Variants in C9orf43 observed in about 807,000 individuals in gnomAD.
The protein encoded by C9orf43 is chromosome 9 open reading frame 43, also known as uncharacterized protein C9orf43.
Under a neutral mutation model 59.1 loss-of-function variants are expected in C9orf43, and 45 were observed. That is an observed-to-expected ratio of 0.76 (90% CI 0.60 to 0.98). The LOEUF (loss-of-function observed/expected upper bound fraction) is 0.98. C9orf43 is among the 50% of genes least tolerant of loss of function. The pLI is 0.00. For synonymous variants in C9orf43, 203 were observed against 196.8 expected (o/e 1.03, Z -0.26); for missense variants, 533 against 554.9 (o/e 0.96, Z 0.40).
intron 6 of C9orf43, among the ~76,000 whole-genome samples, chr9:113,422,894 C>T (rs1164927254): frequency 6.6e-6 from 1 of 152,092 alleles, no homozygotes; most frequent in Non-Finnish European, 1.5e-5. Flanking sequence ...TTTCAATGGA[C>T]TAGGGGTTAT....
Position 113,410,769 on chromosome 9 carries a change from C to A in C9orf43, c.-282C>A. ...TTTAGGACCCGAGGCAGGCTCTGGG[C>A]CCGCCGGGTCCGTTAATCTCACCGC... is the stretch of plus-strand genomic sequence containing the variant. On this transcript the variant is annotated 5_prime_UTR_variant, in exon 1 of 14. Transcript: ENST00000374165. The A allele has an allele frequency of 4.7e-6, 1 of 213,180 alleles. No homozygotes were observed. The highest frequency in any genetic ancestry group is 8.6e-6 in the Non-Finnish European group (1 of 115,888). 13.2% of individuals were successfully genotyped at this position (213,180 alleles called of 1,614,324 possible). A position where few individuals can be genotyped will look rare whatever the true frequency, so the allele number is the denominator to read the frequency against.
rs772513539 is a variant in C9orf43, at chr9:113,425,364, C to T, written c.886C>T (p.Arg296Trp). 43 of 1,613,428 alleles carry T rather than the reference C, an allele frequency of 2.7e-5. No individual in the cohort carries two copies. The highest frequency in any genetic ancestry group is 1.7e-4 in the African/African-American group (13 of 74,820). The change falls in exon 10 of 14, where the codon CGG becomes TGG. Residue 296 changes from arginine to tryptophan, a missense_variant. Transcript: ENST00000374165. ...KTEGYRKQQQ[R>W]QQQQQQQQKK... ...ACCAGGTTACAGGAAACAGCAGCAG[C>T]GGCAGCAGCAGCAGCAGCAGCAACA...
chr9:113,421,165 T>A lies in C9orf43; in HGVS notation c.408T>A (p.Val136=). The A allele has an allele frequency of 6.2e-7, 1 of 1,613,616 alleles. No individual in the cohort carries two copies. The highest frequency in any genetic ancestry group is 8.5e-7 in the Non-Finnish European group (1 of 1,179,676). Residue 136 remains valine, a synonymous_variant, in exon 5 of 14, where the codon GTT becomes GTA. Transcript: ENST00000374165. ...GCCCTGAAGATGTTAGAAATATGGT[T>A]GTATTGTGGATCCCAGAAGAAACAG... ...LPCPEDVRNM[V]VLWIPEETEI...
intron 1 of C9orf43, among the ~76,000 whole-genome samples, chr9:113,412,339 C>G (rs1797914408): frequency 6.6e-6 from 1 of 152,174 alleles, no homozygotes; most frequent in South Asian, 2.1e-4. Flanking sequence ...GCTAGCCAAA[C>G]AAAACAAGTA....
chr9:113,415,949 C>T (rs556506553), intron 3 of C9orf43, among the ~76,000 whole-genome samples: 49 of 152,280 alleles, frequency 3.2e-4, no homozygotes, highest in African/African-American at 9.6e-4. Flanking sequence ...GGTTAGACAG[C>T]GGTGTTTCTC....
Position 113,428,938 on chromosome 9 carries a change from T to TG in C9orf43, c.1147dup (p.Ala383GlyfsTer11). On this transcript the variant is annotated frameshift_variant, in exon 13 of 14. Coordinates refer to ENST00000374165, the MANE Select transcript of C9orf43 (RefSeq NM_001278629.2). LOFTEE classifies it low-confidence loss of function (END_TRUNC). ...GACCAAAGATGAACTACTATGACCA[T>TG]GCGGATTTCCACCACAGTGTAAAAA... 1 of 1,613,932 alleles carries TG rather than the reference T, an allele frequency of 6.2e-7. No homozygotes were observed.
chr9:113,419,883 A>T lies in C9orf43; in HGVS notation c.345+718A>T, dbSNP rs115960815. On this transcript the variant is annotated intron_variant, in intron 4 of 13. Coordinates refer to ENST00000374165, the MANE Select transcript of C9orf43 (RefSeq NM_001278629.2). ...TTAGGAAGAAAAAACCCTCCTACTT[A>T]ACTATGGTAAAGAGAGATTTACTAT... Among the ~76,000 whole-genome samples the T allele has an allele frequency of 3.4e-3, 514 of 152,256 alleles. 3 individuals are homozygous for T. The highest frequency in any genetic ancestry group is 0.012 in the African/African-American group (490 of 41,542).
intron 11 of C9orf43, among the ~76,000 whole-genome samples, chr9:113,426,143 A>G (rs1828784846): frequency 6.6e-6 from 1 of 152,166 alleles, no homozygotes; most frequent in Admixed American, 6.5e-5. Flanking sequence ...AGTTCTAAGG[A>G]AGCAGAGCTC....
chr9:113,417,977 A>C (rs1828432084), intron 3 of C9orf43, among the ~76,000 whole-genome samples: 1 of 152,180 alleles, frequency 6.6e-6, no homozygotes. Context: ...TTATTCATTC[A>C]TTCATGCATG....
chr9:113,421,975 A>G (rs1460788372), intron 5 of C9orf43, among the ~76,000 whole-genome samples: 2 of 152,120 alleles, frequency 1.3e-5, no homozygotes, highest in Admixed American at 6.5e-5. Context: ...GGCTCCTTCT[A>G]GCTTTTTGGG....
chr9:113,411,492 G>A (rs983401019), intron 1 of C9orf43, among the ~76,000 whole-genome samples: 2 of 151,898 alleles, frequency 1.3e-5, no homozygotes, highest in African/African-American at 4.8e-5. Context: ...GTAGAGACAG[G>A]GTTTCACCGT....
At position 113,418,634 on chromosome 9, in the gene C9orf43, A is replaced by T. The variant is rs575688198; in HGVS notation, c.288-474A>T. Among the ~76,000 whole-genome samples, 11 of 152,260 alleles carry T rather than the reference A, an allele frequency of 7.2e-5. No individual in the cohort carries two copies. In the South Asian group the frequency reaches 1.9e-3, roughly 26 times the overall value. On this transcript the variant is annotated intron_variant, in intron 3 of 13. Transcript: ENST00000374165. Reference sequence around the variant, plus strand: ...CTCTCTCTCTCTCTCAAAATACCTTAGTTATAGGTGCTCACCTATTTTCAG... The same window carrying T: ...CTCTCTCTCTCTCTCAAAATACCTTTGTTATAGGTGCTCACCTATTTTCAG...
intron 8 of C9orf43, 110 bp downstream of exon 8, chr9:113,424,426 A>G: frequency 1.7e-6 from 2 of 1,199,058 alleles, no homozygotes; most frequent in Non-Finnish European, 2.3e-6. Context: ...CTGCCTTTCC[A>G]CTCTGAACCC....
At chr9:113,413,339 C>G (rs1193396983) in intron 1 of C9orf43, 106 bp from the exon 2 acceptor site, 5 of 1,005,010 alleles carry the variant, frequency 5.0e-6, no homozygotes, top group Admixed American at 6.9e-5. Context: ...CATCATTTAC[C>G]TATATAGGTT....
At chr9:113,412,243 G>A (rs111863884) in intron 1 of C9orf43, among the ~76,000 whole-genome samples, 3,810 of 152,308 alleles carry the variant, frequency 0.025, 72 homozygotes, top group Admixed American at 0.038. Flanking sequence ...ATTGGGCTCA[G>A]TGTTGTCAAG....
Position 113,423,410 on chromosome 9 carries a change from AC to A in C9orf43, c.572del (p.Pro191GlnfsTer27). ...GTPGMIVPPPTPVQLSEQFSS... is the reference protein window; with the variant it reads ...GTPGMIVPPPXPVQLSEQFSS... ...ACCAGGGATGATCGTGCCTCCCCCAACCCCAGTGCAATTGTCTGAACAATTC... is the reference window on the plus strand; with the variant it reads ...ACCAGGGATGATCGTGCCTCCCCCAACCCAGTGCAATTGTCTGAACAATTC... On this transcript the variant is annotated frameshift_variant, in exon 7 of 14. Coordinates refer to ENST00000374165, the MANE Select transcript of C9orf43 (RefSeq NM_001278629.2). LOFTEE classifies it high-confidence loss of function. The A allele has an allele frequency of 6.2e-7, 1 of 1,613,890 alleles. No individual in the cohort carries two copies. Among genetic ancestry groups the A allele is most frequent in the Non-Finnish European group, 8.5e-7 (1 of 1,179,926 alleles).
At position 113,426,486 on chromosome 9, in the gene C9orf43, GT is replaced by G. The variant is rs1335180610; in HGVS notation, c.1030+759del. ...TGCTGACTTTAATATGAAAACAACT[GT>G]TTAATCATCAGAAAGAGCTCTCCAA... On this transcript the variant is annotated intron_variant, in intron 11 of 13. Transcript: ENST00000374165. Among the ~76,000 whole-genome samples, 3 of 152,196 alleles carry G rather than the reference GT, an allele frequency of 2.0e-5. No individual in the cohort carries two copies. The East Asian group carries it at 5.8e-4, about 29-fold the overall frequency.
At chr9:113,423,581 C>A in intron 7 of C9orf43, 83 bp downstream of exon 7, 1 of 1,312,288 alleles carries the variant, frequency 7.6e-7, no homozygotes. Context: ...TGTGCTTTTT[C>A]TGAGTAGGAC....
chr9:113,414,176 G>C (rs1036733837), intron 3 of C9orf43, among the ~76,000 whole-genome samples: 67 of 152,164 alleles, frequency 4.4e-4, no homozygotes, highest in African/African-American at 1.6e-3. Flanking sequence ...TGTAATTCTT[G>C]AGGCTAGAAG....
Sources: gnomAD v4.1 joint callset for allele counts (sites outside exome capture counted in the v4.1 genomes callset) on GRCh38, gnomAD v4.1.1 for gene constraint, MANE v1.5 for transcripts, NCBI Gene and HGNC (gene_info 2026-07-23, HGNC 2026-07-21) for gene names.